The following CPQ variants were observed in gnomAD, a reference collection of about 807,000 sequenced individuals.
CPQ encodes carboxypeptidase Q, also known as Ser-Met dipeptidase.
Under a neutral mutation model 45.7 loss-of-function variants are expected in CPQ, and 37 were observed. The observed-to-expected ratio is 0.81, with a 90% CI of 0.62 to 1.07. The LOEUF is 1.07. Ranked by LOEUF, CPQ falls within the 50% of genes least tolerant of loss-of-function variation. The probability of loss-of-function intolerance (pLI) is 0.00; values close to 1 mark genes in which losing one functional copy is unlikely to be tolerated. For synonymous variants in CPQ, 186 were observed against 205.8 expected (o/e 0.90, Z 0.82); for missense variants, 537 against 572.9 (o/e 0.94, Z 0.64).
intron 1 of CPQ, among the ~76,000 whole-genome samples, chr8:96,710,274 C>G (rs1290530614): frequency 6.6e-6 from 1 of 151,818 alleles, no homozygotes. Flanking sequence ...TTTGAATCTT[C>G]TCTCTTCTGT....
chr8:96,808,817 A>G (rs1014134292), intron 2 of CPQ, among the ~76,000 whole-genome samples: 1 of 152,124 alleles, frequency 6.6e-6, no homozygotes, highest in African/African-American at 2.4e-5. Context: ...AATAGTATCT[A>G]CTTTCAGAAG....
chr8:96,827,117 C>A (rs926745150), intron 2 of CPQ, among the ~76,000 whole-genome samples: 3 of 152,022 alleles, frequency 2.0e-5, no homozygotes, highest in Non-Finnish European at 4.4e-5. Flanking sequence ...GTCTCTTGGC[C>A]AAGTCCAAGC....
At chr8:96,869,477 G>A (rs1812037112) in intron 3 of CPQ, among the ~76,000 whole-genome samples, 1 of 152,038 alleles carries the variant, frequency 6.6e-6, no homozygotes, top group Non-Finnish European at 1.5e-5. Flanking sequence ...CAAAATAAAT[G>A]CCAGTTGCTT....
chr8:97,102,397 T>C (rs930028383), intron 7 of CPQ, among the ~76,000 whole-genome samples: 1 of 152,162 alleles, frequency 6.6e-6, no homozygotes, highest in African/African-American at 2.4e-5. Flanking sequence ...GGTTCTGTGA[T>C]GGGAAAAGAA....
intron 3 of CPQ, among the ~76,000 whole-genome samples, chr8:96,872,341 G>C (rs1444371974): frequency 6.6e-6 from 1 of 151,880 alleles, no homozygotes; most frequent in Non-Finnish European, 1.5e-5. Flanking sequence ...TCCATTTGTG[G>C]CATCGTGTTG....
chr8:97,140,820 T>C (rs1030482035), intron 7 of CPQ, among the ~76,000 whole-genome samples: 5 of 152,020 alleles, frequency 3.3e-5, no homozygotes, highest in African/African-American at 1.2e-4. Flanking sequence ...TCTAAAGTAA[T>C]AGCAATTAAG....
rs1205185819 is a variant in CPQ, at chr8:96,835,156, C to T, written c.617C>T (p.Ser206Phe). ...GGGGCTTTGGCATCTCTCATTCGAT[C>T]CGTGGCCTCCTTCTCCATCTACAGG... is the stretch of plus-strand genomic sequence containing the variant. Reference protein sequence around the residue: ...KVGALASLIRSVASFSIYSPH... With the variant: ...KVGALASLIRFVASFSIYSPH... Residue 206 changes from serine to phenylalanine, a missense_variant, in exon 3 of 8, where the codon TCC becomes TTC. By Grantham distance (155) the Ser-to-Phe change is radical (BLOSUM62 -2). Coordinates refer to ENST00000220763, the MANE Select transcript of CPQ (RefSeq NM_016134.4). 1 of 1,525,078 alleles carries T rather than the reference C, an allele frequency of 6.6e-7. No homozygotes were observed. Among genetic ancestry groups the T allele is most frequent in the Non-Finnish European group, 8.8e-7 (1 of 1,130,836 alleles). The allele number at this position is 1,525,078 out of a possible 1,614,324, so 94.5% of individuals were successfully genotyped here.
chr8:97,022,122 G>A (rs373166229), intron 5 of CPQ, among the ~76,000 whole-genome samples: 2 of 152,032 alleles, frequency 1.3e-5, no homozygotes, highest in Admixed American at 6.6e-5. Flanking sequence ...CAACAAAAAC[G>A]TAAAGTTGGG....
chr8:96,911,953 A>G (rs1017689209), intron 4 of CPQ, among the ~76,000 whole-genome samples: 3 of 152,150 alleles, frequency 2.0e-5, no homozygotes, highest in African/African-American at 7.2e-5. Context: ...TGACTGTGTG[A>G]TGTCAAGTAA....
At chr8:96,925,296 G>A (rs1812858023) in intron 4 of CPQ, among the ~76,000 whole-genome samples, 1 of 152,008 alleles carries the variant, frequency 6.6e-6, no homozygotes. Context: ...CTGCAGTTGG[G>A]GAGCTGTAAA....
chr8:96,762,108 GTTATTACAT>G (rs1810412739), intron 1 of CPQ, among the ~76,000 whole-genome samples: 1 of 151,846 alleles, frequency 6.6e-6, no homozygotes, highest in Non-Finnish European at 1.5e-5. Flanking sequence ...ATCCTGGATG[GTTATTACAT>G]ATTTAGCTGG....
intron 1 of CPQ, among the ~76,000 whole-genome samples, chr8:96,721,549 C>A (rs577691882): frequency 2.1e-4 from 32 of 152,082 alleles, no homozygotes; most frequent in Non-Finnish European, 3.1e-4. Flanking sequence ...GATAAGCATT[C>A]TATCAGAATT....
chr8:96,973,607 AG>A (rs1350836527), intron 5 of CPQ, among the ~76,000 whole-genome samples: 4 of 152,186 alleles, frequency 2.6e-5, no homozygotes, highest in Non-Finnish European at 5.9e-5. Context: ...GAATCTTAAG[AG>A]CTCTGAGGCA....
intron 1 of CPQ, among the ~76,000 whole-genome samples, chr8:96,695,209 T>C (rs113646927): frequency 0.02 from 2,920 of 148,930 alleles, 64 homozygotes; most frequent in African/African-American, 0.069. Context: ...CTATTTAATA[T>C]ATGGTGCTGG....
chr8:96,866,030 A>G (rs1260399821), intron 3 of CPQ, among the ~76,000 whole-genome samples: 1 of 152,052 alleles, frequency 6.6e-6, no homozygotes, highest in Admixed American at 6.6e-5. Flanking sequence ...TTAGAGGCAG[A>G]AATTGCATTG....
At chr8:96,762,606 G>C (rs1351761686) in intron 1 of CPQ, among the ~76,000 whole-genome samples, 1 of 152,160 alleles carries the variant, frequency 6.6e-6, no homozygotes, top group Non-Finnish European at 1.5e-5. Context: ...TAAGGAAATA[G>C]TATCCAGGCT....
chr8:96,952,992 G>A (rs1002916279), intron 4 of CPQ, among the ~76,000 whole-genome samples: 1 of 152,026 alleles, frequency 6.6e-6, no homozygotes, highest in Admixed American at 6.6e-5. Context: ...AATTCAGGAA[G>A]GCAAATTTTA....
intron 5 of CPQ, among the ~76,000 whole-genome samples, chr8:96,999,230 CTT>C (rs56371640): frequency 3.5e-5 from 5 of 142,916 alleles, no homozygotes; most frequent in Non-Finnish European, 3.1e-5. Context: ...TTTTCTTATC[CTT>C]TTTTTTTTTT....
intron 3 of CPQ, among the ~76,000 whole-genome samples, chr8:96,837,358 A>G (rs1364269283): frequency 1.3e-5 from 2 of 152,210 alleles, no homozygotes; most frequent in Non-Finnish European, 2.9e-5. Context: ...TTAAGGTCGC[A>G]AATAACTGCC....
Sources: allele counts gnomAD v4.1 joint callset (sites outside exome capture counted in the v4.1 genomes callset), GRCh38; gene constraint gnomAD v4.1.1; transcripts MANE v1.5; gene names NCBI Gene and HGNC (gene_info 2026-07-23, HGNC 2026-07-21).